The following DNAH3 variants were observed in gnomAD, a reference collection of about 807,000 sequenced individuals.
The protein encoded by DNAH3 is axonemal beta dynein heavy chain 3.
In DNAH3, 332 loss-of-function variants were observed where a neutral mutation model predicts 432.5. The ratio of observed to expected loss-of-function variants is 0.77; its 90% CI spans 0.70 to 0.84. The LOEUF (loss-of-function observed/expected upper bound fraction) is 0.84, where lower values mean the gene tolerates loss of function less well. DNAH3 is among the 40% of genes least tolerant of loss of function. The pLI is 0.00. For missense variants in DNAH3, 4,861 were observed against 5,114.0 expected (o/e 0.95, Z 1.51); for synonymous variants, 1,956 against 1,900.2 (o/e 1.03, Z -0.76).
chr16:21,098,872 A>G, intron 16 of DNAH3, 103 bp from the exon 17 acceptor site: 1 of 1,173,576 alleles, frequency 8.5e-7, no homozygotes, highest in African/African-American at 1.5e-5. Context: ...CAATTTGATC[A>G]GTTACCTGCA....
chr16:20,997,234 C>T, intron 44 of DNAH3, 49 bp downstream of exon 44: 1 of 1,588,262 alleles, frequency 6.3e-7, no homozygotes, highest in East Asian at 2.2e-5. Context: ...GGTGGCCCAG[C>T]TCTGCTGGGG....
intron 5 of DNAH3, among the ~76,000 whole-genome samples, chr16:21,139,776 C>CTTTTTTTTTTTT (rs71275930): frequency 1.2e-5 from 1 of 86,232 alleles, no homozygotes; most frequent in East Asian, 3.9e-4. Flanking sequence ...CCACCTCATT[C>CTTTTTTTTTTTT]TTTTTTTTTT....
chr16:20,952,459 G>A (rs778456968), exon 56 of DNAH3: 6 of 1,612,556 alleles, frequency 3.7e-6, no homozygotes, highest in South Asian at 2.2e-5. Flanking sequence ...AGCATCAAAG[G>A]GCACCTCCTT....
chr16:21,026,930 G>C (rs1332304900), intron 38 of DNAH3, 97 bp downstream of exon 38: 2 of 798,046 alleles, frequency 2.5e-6, no homozygotes, highest in Non-Finnish European at 2.1e-6. Context: ...TGATCTGCGA[G>C]GGCTTCATCA....
At chr16:21,067,558 C>T in intron 23 of DNAH3, 139 bp from the exon 24 acceptor site, 1 of 857,462 alleles carries the variant, frequency 1.2e-6, no homozygotes, top group Non-Finnish European at 1.9e-6. Context: ...CCTAACTGCA[C>T]AGGGGTGAAT....
intron 14 of DNAH3, among the ~76,000 whole-genome samples, chr16:21,106,947 A>G (rs968639501): frequency 3.3e-5 from 5 of 152,184 alleles, no homozygotes; most frequent in African/African-American, 9.7e-5. Context: ...AATCATTTAC[A>G]TAGATTAACT....
At chr16:21,075,423 G>C (rs1225315486) in intron 21 of DNAH3, 24 bp downstream of exon 21, 1 of 1,511,356 alleles carries the variant, frequency 6.6e-7, no homozygotes, top group East Asian at 2.3e-5. Flanking sequence ...TTTCAAAAGG[G>C]GCTGCGGTTG....
At chr16:21,050,044 G>A in intron 29 of DNAH3, 26 bp from the exon 30 acceptor site, 1 of 1,519,560 alleles carries the variant, frequency 6.6e-7, no homozygotes, top group East Asian at 2.2e-5. Flanking sequence ...TAGAACTTCA[G>A]TGCTTGAGGT....
chr16:20,939,049 T>C (rs2083704920), intron 59 of DNAH3, among the ~76,000 whole-genome samples: 1 of 151,444 alleles, frequency 6.6e-6, no homozygotes, highest in African/African-American at 2.4e-5. Context: ...CTGGGTGGAG[T>C]GAGCCACGGC....
At chr16:21,070,786 A>G (rs770839261) in exon 22 of DNAH3, 1 of 1,613,250 alleles carries the variant, frequency 6.2e-7, no homozygotes, top group South Asian at 1.1e-5. Context: ...ATCATCAAGT[A>G]GCATTTGAAT....
chr16:20,934,137 G>A (rs1280900933), intron 61 of DNAH3, among the ~76,000 whole-genome samples: 2 of 152,186 alleles, frequency 1.3e-5, no homozygotes, highest in Non-Finnish European at 2.9e-5. Context: ...GGGGATTATG[G>A]TGAACCAGAG....
rs754629012 is a variant in DNAH3 at position 20,959,288 on chromosome 16, C to T, written c.10717G>A (p.Gly3573Arg). Residue 3573 changes from glycine (G) to arginine (R), a missense_variant, in exon 54 of 62, where the codon GGG (glycine) becomes AGG (arginine). Physicochemically the swap from Gly to Arg is moderately radical, Grantham distance 125. Coordinates refer to ENST00000261383, the Ensembl canonical transcript of DNAH3. ...CAGTTCTGTAAGACCACCCAGGTCC[C>T]GTCTTTGATGGCATTGTTGATCATT... 15 of 1,614,046 alleles carry T rather than the reference C, an allele frequency of 9.3e-6. No individual in the cohort carries two copies. The highest frequency in any genetic ancestry group is 4.0e-5 in the African/African-American group (3 of 74,898).
chr16:21,003,223 C>T lies in DNAH3; in HGVS notation c.6023-16G>A, dbSNP rs778550871. On this transcript the variant is annotated splice_polypyrimidine_tract_variant and intron_variant, in intron 41 of 61. Transcript: ENST00000261383. The stretch of plus-strand genomic sequence containing the variant: ...TAGATGCTTCCTGGACCCAAAGAAA[C>T]AAAACAGATCATTAGCACATGAAGG... The T allele has an allele frequency of 2.6e-6, 4 of 1,544,042 alleles. No individual in the cohort carries two copies. In the South Asian group the frequency reaches 4.7e-5, roughly 18 times the overall value.
At chr16:20,985,056 A>G (rs776210061) in intron 48 of DNAH3, 3 of 1,600,142 alleles carry the variant, frequency 1.9e-6, no homozygotes, top group South Asian at 2.2e-5. Context: ...TACCGAGGAC[A>G]ATGTGAAGGT....
intron 18 of DNAH3, among the ~76,000 whole-genome samples, chr16:21,094,848 A>G (rs537275680): frequency 2.6e-5 from 4 of 152,248 alleles, no homozygotes; most frequent in South Asian, 2.1e-4. Flanking sequence ...ATGATAGTGA[A>G]TAAGTCTCAT....
chr16:20,943,360 G>A (rs1010029290), intron 58 of DNAH3, among the ~76,000 whole-genome samples: 5 of 151,954 alleles, frequency 3.3e-5, no homozygotes, highest in Non-Finnish European at 1.5e-5. Context: ...TTATAGGCAT[G>A]AGCCATGGCA....
At chr16:20,985,304 C>A in exon 48 of DNAH3, 1 of 1,614,234 alleles carries the variant, frequency 6.2e-7, no homozygotes, top group Non-Finnish European at 8.5e-7. Context: ...GCCACACCGA[C>A]CTGCAGTATG....
At chr16:21,068,543 G>C (rs1229500198) in intron 23 of DNAH3, among the ~76,000 whole-genome samples, 1 of 152,184 alleles carries the variant, frequency 6.6e-6, no homozygotes, top group Non-Finnish European at 1.5e-5. Context: ...TCCAACTCCT[G>C]AACTCAAGCA....
At chr16:21,034,666 C>T (rs976132745) in intron 35 of DNAH3, among the ~76,000 whole-genome samples, 1 of 152,184 alleles carries the variant, frequency 6.6e-6, no homozygotes, top group African/African-American at 2.4e-5. Context: ...GACTGTGACT[C>T]CCTCAGAGAA....
Sources: gnomAD v4.1 joint callset for allele counts (sites outside exome capture counted in the v4.1 genomes callset) on GRCh38, gnomAD v4.1.1 for gene constraint, MANE v1.5 for transcripts, NCBI Gene and HGNC (gene_info 2026-07-23, HGNC 2026-07-21) for gene names.